SLC22A23: variants seen among roughly 807,000 people sequenced by gnomAD.
SLC22A23 encodes solute carrier family 22 member 23.
A neutral mutation model predicts 61.0 loss-of-function variants in SLC22A23; 26 were observed. The observed-to-expected ratio is 0.43, with a 90% CI of 0.31 to 0.59. SLC22A23 has a LOEUF of 0.59. Ranked by LOEUF, SLC22A23 falls within the 20% of genes least tolerant of loss-of-function variation. The pLI is 0.11. For synonymous variants in SLC22A23, 430 were observed against 413.9 expected (o/e 1.04, Z -0.47); for missense variants, 796 against 934.7 (o/e 0.85, Z 1.94).
intron 4 of SLC22A23, among the ~76,000 whole-genome samples, chr6:3,303,562 C>T (rs1036925525): frequency 6.6e-6 from 1 of 152,140 alleles, no homozygotes; most frequent in Non-Finnish European, 1.5e-5. Context: ...ATGGATGGAA[C>T]TGAAAGACAT....
At chr6:3,404,090 G>T (rs768702175) in intron 3 of SLC22A23, among the ~76,000 whole-genome samples, 1 of 152,196 alleles carries the variant, frequency 6.6e-6, no homozygotes, top group Admixed American at 6.5e-5. Flanking sequence ...AACCTAGTCC[G>T]TAAGGTTTTG....
In SLC22A23 at chr6:3,410,192, A is replaced by G. The variant is rs780665806; in HGVS notation, c.909T>C (p.Ala303=). The G allele has an allele frequency of 1.9e-6, 3 of 1,607,830 alleles. No homozygotes were observed. The highest frequency in any genetic ancestry group is 2.5e-6 in the Non-Finnish European group (3 of 1,178,162). The change falls in exon 3 of 10, where the codon GCT becomes GCC. Residue 303 remains alanine (A), a synonymous_variant. Transcript: ENST00000406686. The surrounding 1 kb of genome is among the most constrained non-coding windows in gnomAD (Gnocchi z 5.0). ...GTCGTGAAGGCTCCTACTTACGTAA[A>G]GCATACAAGGTGAGAATGATTCCAG... The part of the protein sequence containing the change: ...CLAGIILTLY[A]LRIELCPPGK...
In SLC22A23 at chr6:3,445,065, A is replaced by G. The variant is rs572481227; in HGVS notation, c.654+10841T>C. On this transcript the variant is annotated intron_variant, in intron 1 of 9. Coordinates refer to ENST00000406686, the MANE Select transcript of SLC22A23 (RefSeq NM_015482.2). ...TTCCCAGTGTTCTGCGTCTGTCCTCACAATGGCCCTCAAGGTCAGGCAGCA... is the reference window on the plus strand; with the variant it reads ...TTCCCAGTGTTCTGCGTCTGTCCTCGCAATGGCCCTCAAGGTCAGGCAGCA... 4.9e-3 allele frequency: 3,702 copies of G among 762,724 alleles called. 12 individuals are homozygous for G. The highest frequency in any genetic ancestry group is 5.6e-3 in the Non-Finnish European group (3,530 of 626,272). The allele number at this position is 762,724 out of a possible 1,614,324, so 47.2% of individuals were successfully genotyped here.
At chr6:3,398,462 T>C (rs1768162234) in intron 3 of SLC22A23, among the ~76,000 whole-genome samples, 1 of 151,308 alleles carries the variant, frequency 6.6e-6, no homozygotes, top group South Asian at 2.1e-4. Context: ...CTATTTTTTT[T>C]TTTTTTTTTT....
rs557407215 is a variant in SLC22A23, at chr6:3,415,678, G to T, written c.758+74C>A. On this transcript the variant is annotated intron_variant, in intron 2 of 9. Coordinates refer to ENST00000406686, the MANE Select transcript of SLC22A23 (RefSeq NM_015482.2). ...AAGACAGTCATGGTAAGCTAACACTGACTATTTTTCTTTAGCCAGCAAAGG... is the reference window on the plus strand; with the variant it reads ...AAGACAGTCATGGTAAGCTAACACTTACTATTTTTCTTTAGCCAGCAAAGG... 4 of 1,049,444 alleles carry T rather than the reference G, an allele frequency of 3.8e-6. No individual in the cohort carries two copies. The South Asian group carries it at 4.3e-5, about 11-fold the overall frequency. The allele number at this position is 1,049,444 out of a possible 1,614,324, so 65.0% of individuals were successfully genotyped here.
At position 3,372,360 on chromosome 6, in the gene SLC22A23, T is replaced by A. The variant is rs1024534098; in HGVS notation, c.913+37828A>T. Among the ~76,000 whole-genome samples the A allele has an allele frequency of 3.3e-5, 5 of 152,080 alleles. No individual in the cohort carries two copies. Among genetic ancestry groups the A allele is most frequent in the African/African-American group, 1.2e-4 (5 of 41,386 alleles). Reference sequence around the variant, plus strand: ...ATAAAAGTGGCAAGATGCACGAAGGTCTAAGCCTGCAGGCTCCTCCTGCTG... The same window carrying A: ...ATAAAAGTGGCAAGATGCACGAAGGACTAAGCCTGCAGGCTCCTCCTGCTG... On this transcript the variant is annotated intron_variant, in intron 3 of 9. Coordinates refer to ENST00000406686, the MANE Select transcript of SLC22A23 (RefSeq NM_015482.2). This position sits in a 1 kb window ranked among gnomAD's most constrained non-coding sequence, Gnocchi z 4.7.
chr6:3,328,260 CA>C lies in SLC22A23; in HGVS notation c.914-4259del, dbSNP rs1230673588. Among the ~76,000 whole-genome samples, 2 of 151,926 alleles carry C rather than the reference CA, an allele frequency of 1.3e-5. No individual in the cohort carries two copies. The highest frequency in any genetic ancestry group is 2.9e-5 in the Non-Finnish European group (2 of 68,016). On this transcript the variant is annotated intron_variant, in intron 3 of 9. Coordinates refer to ENST00000406686, the MANE Select transcript of SLC22A23 (RefSeq NM_015482.2). This position sits in a 1 kb window ranked among gnomAD's most constrained non-coding sequence, Gnocchi z 5.0. ...CTGAGGCATTTGTTTAGTGAATCAACAGGGACCATGACTAAGTCTGAGCACA... is the reference window on the plus strand; with the variant it reads ...CTGAGGCATTTGTTTAGTGAATCAACGGGACCATGACTAAGTCTGAGCACA...
intron 4 of SLC22A23, among the ~76,000 whole-genome samples, chr6:3,299,594 T>G (rs1761434161): frequency 6.6e-6 from 1 of 152,230 alleles, no homozygotes; most frequent in Non-Finnish European, 1.5e-5. Flanking sequence ...AATTTACATT[T>G]ATGACAATAT....
rs531537192 is a variant in SLC22A23 at position 3,427,055 on chromosome 6, T to A, written c.655-11200A>T. 5.7e-4 allele frequency among the ~76,000 whole-genome samples: 87 copies of A among 152,222 alleles called. No individual in the cohort carries two copies. Among genetic ancestry groups the A allele is most frequent in the Non-Finnish European group, 1.1e-3 (75 of 68,044 alleles). Reference sequence around the variant, plus strand: ...AATGTGCTGTCAAGCACAGCTGGGATGCAGGCTAAGAGCTCGGAGTTTGAG... The same window carrying A: ...AATGTGCTGTCAAGCACAGCTGGGAAGCAGGCTAAGAGCTCGGAGTTTGAG... On this transcript the variant is annotated intron_variant, in intron 1 of 9. Coordinates refer to ENST00000406686, the MANE Select transcript of SLC22A23 (RefSeq NM_015482.2). The surrounding 1 kb of genome is among the most constrained non-coding windows in gnomAD (Gnocchi z 4.3).
intron 4 of SLC22A23, among the ~76,000 whole-genome samples, chr6:3,310,258 CCTGT>C (rs1227402709): frequency 6.7e-6 from 1 of 150,208 alleles, no homozygotes; most frequent in Non-Finnish European, 1.5e-5. Flanking sequence ...CAGGGAGCAC[CCTGT>C]CTCCCACTGG....
At chr6:3,357,052 G>C (rs1765149457) in intron 3 of SLC22A23, among the ~76,000 whole-genome samples, 1 of 31,034 alleles carries the variant, frequency 3.2e-5, no homozygotes, top group South Asian at 1.4e-3. Context: ...AACCAAAACA[G>C]AGCCAAAAAA....
At chr6:3,349,208 C>T (rs113691559) in intron 3 of SLC22A23, among the ~76,000 whole-genome samples, 1 of 152,224 alleles carries the variant, frequency 6.6e-6, no homozygotes, top group Non-Finnish European at 1.5e-5. Context: ...CCTGCAGAAC[C>T]CTCGAGGAAG....
Position 3,330,046 on chromosome 6 carries a change from C to G in SLC22A23, c.914-6044G>C, listed in dbSNP as rs1181596857. Among the ~76,000 whole-genome samples the G allele has an allele frequency of 6.6e-6, 1 of 152,238 alleles. No individual in the cohort carries two copies. Among genetic ancestry groups the G allele is most frequent in the African/African-American group, 2.4e-5 (1 of 41,454 alleles). On this transcript the variant is annotated intron_variant, in intron 3 of 9. Coordinates refer to ENST00000406686, the MANE Select transcript of SLC22A23 (RefSeq NM_015482.2). The surrounding 1 kb of genome is among the most constrained non-coding windows in gnomAD (Gnocchi z 4.7). ...GCCTCTGCGAAGGCCGACTGGGCCACTAGGACACCGGGGCTTGGGGATCCC... is the reference window on the plus strand; with the variant it reads ...GCCTCTGCGAAGGCCGACTGGGCCAGTAGGACACCGGGGCTTGGGGATCCC...
rs1402313339 is a variant in SLC22A23, at chr6:3,427,383, T to TA, written c.655-11529dup. 6.7e-6 allele frequency among the ~76,000 whole-genome samples: 1 copy of TA among 149,364 alleles called. No homozygotes were observed. Among genetic ancestry groups the TA allele is most frequent in the Non-Finnish European group, 1.5e-5 (1 of 66,862 alleles). ...TACTTCAAAAAGGGTTTTGATTACT[T>TA]AGAGTCTGAGCTATTCATTTTAGCC... On this transcript the variant is annotated intron_variant, in intron 1 of 9. Transcript: ENST00000406686. This position sits in a 1 kb window ranked among gnomAD's most constrained non-coding sequence, Gnocchi z 4.3.
At chr6:3,368,458 C>A (rs1765985242) in intron 3 of SLC22A23, among the ~76,000 whole-genome samples, 1 of 152,164 alleles carries the variant, frequency 6.6e-6, no homozygotes, top group Non-Finnish European at 1.5e-5. Flanking sequence ...CCCGTAGCTG[C>A]CATCAAATTC....
chr6:3,452,600 A>T (rs995153944), intron 1 of SLC22A23, among the ~76,000 whole-genome samples: 405 of 9,110 alleles, frequency 0.044, 1 homozygote, highest in Middle Eastern at 0.1. Flanking sequence ...GACGCTGTCT[A>T]AAAAAAAAAA....
chr6:3,326,356 C>T (rs1003848035), intron 3 of SLC22A23, among the ~76,000 whole-genome samples: 3 of 152,196 alleles, frequency 2.0e-5, no homozygotes, highest in South Asian at 4.1e-4. Flanking sequence ...GTGTCGGTAT[C>T]GCATGCGATC....
At position 3,454,663 on chromosome 6, in the gene SLC22A23, C is replaced by A. The variant is rs1772305361; in HGVS notation, c.654+1243G>T. 6.6e-6 allele frequency among the ~76,000 whole-genome samples: 1 copy of A among 152,224 alleles called. No individual in the cohort carries two copies. The highest frequency in any genetic ancestry group is 1.9e-4 in the East Asian group (1 of 5,184). ...AGGAGGTGGGTGGGATCAAGGTGAACCCAGCTAGAAGGACCTTCCCCATTA... is the reference window on the plus strand; with the variant it reads ...AGGAGGTGGGTGGGATCAAGGTGAAACCAGCTAGAAGGACCTTCCCCATTA... On this transcript the variant is annotated intron_variant, in intron 1 of 9. Coordinates refer to ENST00000406686, the MANE Select transcript of SLC22A23 (RefSeq NM_015482.2). This position sits in a 1 kb window ranked among gnomAD's most constrained non-coding sequence, Gnocchi z 4.3.
At chr6:3,273,436 G>C in intron 9 of SLC22A23, 24 bp from the exon 10 acceptor site, 1 of 1,609,078 alleles carries the variant, frequency 6.2e-7, no homozygotes, top group South Asian at 1.1e-5. Context: ...GAAGCACAGG[G>C]ATTGCTGCTG....
Sources: allele counts gnomAD v4.1 joint callset (sites outside exome capture counted in the v4.1 genomes callset), GRCh38; gene constraint gnomAD v4.1.1; non-coding constraint Gnocchi (gnomAD v3.1); transcripts MANE v1.5; gene names NCBI Gene and HGNC (gene_info 2026-07-23, HGNC 2026-07-21).